Variants in ARHGEF38 observed in about 807,000 individuals in gnomAD.
ARHGEF38 encodes the protein Rho guanine nucleotide exchange factor (GEF) 38.
Under a neutral mutation model 79.9 loss-of-function variants are expected in ARHGEF38, and 79 were observed. That is an observed-to-expected ratio of 0.99 (90% CI 0.82 to 1.19). The LOEUF (loss-of-function observed/expected upper bound fraction) is 1.19. ARHGEF38 is among the 50% of genes most tolerant of loss of function. ARHGEF38 has a pLI of 0.00. For missense variants in ARHGEF38, 962 were observed against 907.2 expected (o/e 1.06, Z -0.78); for synonymous variants, 366 against 328.3 (o/e 1.11, Z -1.24).
downstream of ARHGEF38, among the ~76,000 whole-genome samples, chr4:105,681,686 G>A (rs149672833): frequency 6.6e-6 from 1 of 152,186 alleles, no homozygotes; most frequent in Non-Finnish European, 1.5e-5. Context: ...GCAATGCTCG[G>A]CTTATAGAGT....
intron 13 of ARHGEF38, among the ~76,000 whole-genome samples, chr4:105,676,690 A>G (rs1407874193): frequency 1.3e-5 from 2 of 152,096 alleles, no homozygotes; most frequent in Non-Finnish European, 2.9e-5. Flanking sequence ...TCAGAGAAAA[A>G]TTCTTTTGAC....
chr4:105,581,143 A>G (rs1223834007), intron 1 of ARHGEF38, among the ~76,000 whole-genome samples: 1 of 152,014 alleles, frequency 6.6e-6, no homozygotes, highest in Non-Finnish European at 1.5e-5. Context: ...CCCATACAGG[A>G]TTCCCAGCTT....
chr4:105,585,521 T>A (rs1726991075), intron 1 of ARHGEF38, among the ~76,000 whole-genome samples: 1 of 152,106 alleles, frequency 6.6e-6, no homozygotes, highest in East Asian at 1.9e-4. Flanking sequence ...AAAATAAAGC[T>A]TGAGTGTGAA....
At chr4:105,568,639 A>G (rs1726059775) in intron 1 of ARHGEF38, among the ~76,000 whole-genome samples, 1 of 152,220 alleles carries the variant, frequency 6.6e-6, no homozygotes, top group African/African-American at 2.4e-5. Flanking sequence ...TTGTGTTGTG[A>G]TGAAATTATA....
intron 2 of ARHGEF38, among the ~76,000 whole-genome samples, chr4:105,599,665 G>A (rs1481900007): frequency 1.3e-5 from 2 of 152,088 alleles, no homozygotes; most frequent in East Asian, 3.9e-4. Flanking sequence ...TCAGGCATAG[G>A]TCAAAATAGC....
At chr4:105,647,101 AAGGTTTT>A (rs1382542174) in intron 6 of ARHGEF38, among the ~76,000 whole-genome samples, 1 of 152,152 alleles carries the variant, frequency 6.6e-6, no homozygotes, top group Non-Finnish European at 1.5e-5. Flanking sequence ...AAGACTGGAC[AAGGTTTT>A]AGATAATGGC....
chr4:105,635,269 T>A (rs1004787436), intron 4 of ARHGEF38, among the ~76,000 whole-genome samples: 20 of 152,126 alleles, frequency 1.3e-4, no homozygotes, highest in African/African-American at 4.6e-4. Context: ...GAGATTTTTT[T>A]AAAAATGATG....
intron 6 of ARHGEF38, 40 bp from the exon 7 acceptor site, chr4:105,648,508 CT>C: frequency 6.9e-7 from 1 of 1,446,722 alleles, no homozygotes; most frequent in Non-Finnish European, 9.1e-7. Flanking sequence ...ACTTTCTATG[CT>C]GCATGTGTTC....
chr4:105,620,822 A>T (rs1448211800), intron 3 of ARHGEF38, among the ~76,000 whole-genome samples: 1 of 144,508 alleles, frequency 6.9e-6, no homozygotes, highest in Non-Finnish European at 1.5e-5. Context: ...TCACATTGTT[A>T]TATGAGTCTA....
chr4:105,635,320 C>T (rs1017149985), intron 4 of ARHGEF38, among the ~76,000 whole-genome samples: 11 of 152,056 alleles, frequency 7.2e-5, no homozygotes, highest in African/African-American at 2.4e-4. Flanking sequence ...CACTACTCCA[C>T]AGATTGTTGT....
chr4:105,617,887 C>G (rs910493434), intron 3 of ARHGEF38, among the ~76,000 whole-genome samples: 2 of 151,926 alleles, frequency 1.3e-5, no homozygotes, highest in East Asian at 1.9e-4. Context: ...TGAAGAGAAG[C>G]CTTTGATGGA....
chr4:105,674,668 T>C (rs980684349), intron 13 of ARHGEF38, among the ~76,000 whole-genome samples: 1 of 152,010 alleles, frequency 6.6e-6, no homozygotes, highest in Non-Finnish European at 1.5e-5. Context: ...ATATAAAAAC[T>C]AAAAAGTGCT....
intron 1 of ARHGEF38, among the ~76,000 whole-genome samples, chr4:105,582,630 TA>T (rs1264755200): frequency 6.6e-6 from 1 of 152,166 alleles, no homozygotes; most frequent in Non-Finnish European, 1.5e-5. Flanking sequence ...TGAAATGTTA[TA>T]ACTTAATTTA....
At chr4:105,559,693 C>A (rs1187837083) in intron 1 of ARHGEF38, among the ~76,000 whole-genome samples, 3 of 151,978 alleles carry the variant, frequency 2.0e-5, no homozygotes, top group African/African-American at 7.3e-5. Flanking sequence ...ATATGTAGAT[C>A]TGGTATGCTG....
intron 1 of ARHGEF38, among the ~76,000 whole-genome samples, chr4:105,576,010 G>A (rs1726479537): frequency 6.6e-6 from 1 of 151,972 alleles, no homozygotes; most frequent in Non-Finnish European, 1.5e-5. Context: ...TAGTCTATCT[G>A]CCTCCTTTTG....
At chr4:105,631,547 C>T in intron 4 of ARHGEF38, 1 of 985,424 alleles carries the variant, frequency 1.0e-6, no homozygotes, top group Non-Finnish European at 1.2e-6. Context: ...TCATGCCTTC[C>T]TTTCTCATCC....
chr4:105,667,170 T>A lies in ARHGEF38; in HGVS notation c.1731T>A (p.Leu577=). The A allele has an allele frequency of 6.5e-7, 1 of 1,535,816 alleles. No individual in the cohort carries two copies. The highest frequency in any genetic ancestry group is 2.0e-5 in the Admixed American group (1 of 50,970). The change falls in exon 12 of 14, where the codon CTT becomes CTA. Residue 577 remains leucine, a synonymous_variant. Transcript: ENST00000420470. ...AAACTGACATTCATCGCTCCAAACT[T>A]CTATCCACATATAGTGCAGAGGAAC... The part of the protein sequence containing the change: ...PHQTDIHRSK[L]LSTYSAEELY...
At chr4:105,563,802 G>A (rs1465422814) in intron 1 of ARHGEF38, among the ~76,000 whole-genome samples, 2 of 152,176 alleles carry the variant, frequency 1.3e-5, no homozygotes, top group Non-Finnish European at 2.9e-5. Context: ...ATCTTGAAGT[G>A]AACAGTGACC....
At chr4:105,593,588 G>A (rs558540814) in intron 2 of ARHGEF38, among the ~76,000 whole-genome samples, 10 of 152,140 alleles carry the variant, frequency 6.6e-5, no homozygotes, top group African/African-American at 2.4e-4. Context: ...TACAAGAAAA[G>A]TCTTTCTTTG....
Sources: gnomAD v4.1 joint callset for allele counts (sites outside exome capture counted in the v4.1 genomes callset) on GRCh38, gnomAD v4.1.1 for gene constraint, MANE v1.5 for transcripts, NCBI Gene and HGNC (gene_info 2026-07-23, HGNC 2026-07-21) for gene names.